LINC00305: variants seen among roughly 807,000 people sequenced by gnomAD.
LINC00305 encodes long intergenic non-protein coding RNA 305.
chr18:64,092,335 C>G (rs916945795), intron 3 of LINC00305, among the ~76,000 whole-genome samples: 1 of 152,156 alleles, frequency 6.6e-6, no homozygotes, highest in Non-Finnish European at 1.5e-5. Context: ...GGCTGAGGTG[C>G]ACAGATCACA....
At chr18:64,080,267 C>T (rs1178980570) in exon 4 of LINC00305, 1 of 455,992 alleles carries the variant, frequency 2.2e-6, no homozygotes, top group Non-Finnish European at 4.4e-6. Flanking sequence ...TTGTCATCTT[C>T]TCTGTTTTCA....
chr18:64,122,550 A>T (rs1370766137), intron 1 of LINC00305, among the ~76,000 whole-genome samples: 1 of 152,020 alleles, frequency 6.6e-6, no homozygotes, highest in African/African-American at 2.4e-5. Context: ...CTATGTGTCT[A>T]TTTTTATACC....
intron 3 of LINC00305, among the ~76,000 whole-genome samples, chr18:64,093,836 A>G (rs529217021): frequency 2.6e-5 from 4 of 152,370 alleles, no homozygotes; most frequent in East Asian, 1.9e-4. Flanking sequence ...TTTCTGGTAC[A>G]GGAGATTTTC....
chr18:64,146,199 G>A (rs1046498468), intron 1 of LINC00305, among the ~76,000 whole-genome samples: 1 of 152,094 alleles, frequency 6.6e-6, no homozygotes, highest in South Asian at 2.1e-4. Flanking sequence ...GATTAAGAAA[G>A]CTTTTTTAGA....
chr18:64,123,314 A>G (rs573898400), intron 1 of LINC00305, among the ~76,000 whole-genome samples: 1 of 152,242 alleles, frequency 6.6e-6, no homozygotes, highest in Admixed American at 6.5e-5. Flanking sequence ...GTCATAGCCA[A>G]ATATGCCACT....
intron 3 of LINC00305, among the ~76,000 whole-genome samples, chr18:64,091,841 T>A (rs569106193): frequency 1.5e-3 from 236 of 152,366 alleles, no homozygotes; most frequent in African/African-American, 5.5e-3. Context: ...GTTAAGGATG[T>A]AAACACACAC....
rs2051202872 is a variant in LINC00305, at chr18:64,086,207, T to C, written n.541-5805A>G. ...TATTACTAATAATCACTTAAAGTCA[T>C]AATAAATATAACTATTCCTTTCATA... On this transcript the variant is annotated intron_variant and non_coding_transcript_variant, in intron 3 of 3. Transcript: ENST00000666468. 2.0e-5 allele frequency among the ~76,000 whole-genome samples: 3 copies of C among 152,224 alleles called. No homozygotes were observed. The South Asian group carries it at 6.2e-4, about 31-fold the overall frequency.
chr18:64,132,290 G>A (rs1371150718), intron 1 of LINC00305, among the ~76,000 whole-genome samples: 3 of 152,232 alleles, frequency 2.0e-5, no homozygotes, highest in Non-Finnish European at 4.4e-5. Flanking sequence ...AAAGCAATTA[G>A]CAGTAGCTCT....
intron 3 of LINC00305, among the ~76,000 whole-genome samples, chr18:64,080,808 G>A (rs1350674836): frequency 1.3e-5 from 2 of 152,126 alleles, no homozygotes; most frequent in East Asian, 3.8e-4. Flanking sequence ...CTGTAAGACT[G>A]TATATGAAGA....
chr18:64,130,898 G>A (rs116661258), intron 1 of LINC00305, among the ~76,000 whole-genome samples: 47 of 152,256 alleles, frequency 3.1e-4, no homozygotes, highest in African/African-American at 9.9e-4. Context: ...TAGGGGAGAC[G>A]CTATTGTGAA....
intron 1 of LINC00305, among the ~76,000 whole-genome samples, chr18:64,113,113 T>C (rs1050223973): frequency 3.3e-5 from 5 of 152,214 alleles, no homozygotes; most frequent in African/African-American, 1.2e-4. Flanking sequence ...ACTCCTGGTC[T>C]TTCCGTTCTT....
At chr18:64,120,215 A>T (rs1203987424) in intron 1 of LINC00305, among the ~76,000 whole-genome samples, 1 of 152,156 alleles carries the variant, frequency 6.6e-6, no homozygotes, top group Non-Finnish European at 1.5e-5. Flanking sequence ...AAACCAAGCC[A>T]ATTGCTGTGG....
At chr18:64,081,383 C>T (rs1019420277) in intron 3 of LINC00305, among the ~76,000 whole-genome samples, 1 of 152,078 alleles carries the variant, frequency 6.6e-6, no homozygotes, top group Non-Finnish European at 1.5e-5. Flanking sequence ...AGTACCAGGT[C>T]AGACTGGAGG....
chr18:64,087,187 C>T (rs769440282), intron 3 of LINC00305, among the ~76,000 whole-genome samples: 21 of 152,136 alleles, frequency 1.4e-4, no homozygotes, highest in Non-Finnish European at 2.9e-4. Flanking sequence ...AGTCAACTTA[C>T]AGTAAATGAA....
chr18:64,092,622 A>T (rs535265725), intron 3 of LINC00305, among the ~76,000 whole-genome samples: 1 of 152,256 alleles, frequency 6.6e-6, no homozygotes, highest in Non-Finnish European at 1.5e-5. Context: ...GGATGATGGG[A>T]TGTTTTCCTT....
intron 1 of LINC00305, among the ~76,000 whole-genome samples, chr18:64,136,444 A>T (rs930292976): frequency 6.6e-6 from 1 of 152,112 alleles, no homozygotes; most frequent in Non-Finnish European, 1.5e-5. Context: ...CAGAAGAGAG[A>T]ATGAGAGTGG....
At chr18:64,139,182 T>G (rs970077120) in intron 1 of LINC00305, among the ~76,000 whole-genome samples, 6 of 152,196 alleles carry the variant, frequency 3.9e-5, no homozygotes, top group Non-Finnish European at 7.3e-5. Flanking sequence ...ATTCTTAATC[T>G]CCTGAAAATC....
At chr18:64,129,276 T>G (rs1047041570) in intron 1 of LINC00305, among the ~76,000 whole-genome samples, 4 of 152,164 alleles carry the variant, frequency 2.6e-5, no homozygotes, top group African/African-American at 9.6e-5. Context: ...TGCAAGCTAT[T>G]TGATGTGTCT....
intron 3 of LINC00305, among the ~76,000 whole-genome samples, chr18:64,097,624 A>G (rs2051249724): frequency 6.6e-6 from 1 of 151,942 alleles, no homozygotes; most frequent in Non-Finnish European, 1.5e-5. Context: ...AATATAAAGA[A>G]CATTCTTAAA....
Sources: gnomAD v4.1 joint callset for allele counts (sites outside exome capture counted in the v4.1 genomes callset) on GRCh38, gnomAD v4.1.1 for gene constraint, MANE v1.5 for transcripts, NCBI Gene and HGNC (gene_info 2026-07-23, HGNC 2026-07-21) for gene names.